The following STARD3 variants were observed in gnomAD, a reference collection of about 807,000 sequenced individuals.
STARD3 encodes the protein StAR related lipid transfer domain containing 3.
STARD3 carries 39 observed loss-of-function variants against 62.0 expected under a neutral mutation model. That is an observed-to-expected ratio of 0.63 (90% CI 0.49 to 0.82). STARD3 has a LOEUF of 0.82. STARD3 is among the 40% of genes least tolerant of loss of function. The probability of loss-of-function intolerance (pLI) is 0.00; values close to 1 mark genes in which losing one functional copy is unlikely to be tolerated. For synonymous variants in STARD3, 229 were observed against 242.4 expected (o/e 0.94, Z 0.51); for missense variants, 543 against 584.5 (o/e 0.93, Z 0.73).
chr17:39,653,299 A>G (rs1463339813), intron 1 of STARD3, 182 bp from the exon 2 acceptor site: 1 of 592,676 alleles, frequency 1.7e-6, no homozygotes, highest in East Asian at 2.8e-5. Context: ...TAATTAGCGG[A>G]ATGCTCAACC....
At position 39,663,182 on chromosome 17, in the gene STARD3, T is replaced by G; in HGVS notation, c.*274T>G. Reference sequence around the variant, plus strand: ...GAGGACCAGATTGCTCTGCCCCACCTTGCCAGGGCAGGGTCTGGGCTGGGC... The same window carrying G: ...GAGGACCAGATTGCTCTGCCCCACCGTGCCAGGGCAGGGTCTGGGCTGGGC... On this transcript the variant is annotated 3_prime_UTR_variant, in exon 15 of 15. Coordinates refer to ENST00000336308, the MANE Select transcript of STARD3 (RefSeq NM_006804.4). 2.3e-6 allele frequency: 1 copy of G among 440,250 alleles called. No homozygotes were observed. Among genetic ancestry groups the G allele is most frequent in the Non-Finnish European group, 4.0e-6 (1 of 250,694 alleles). The allele number at this position is 440,250 out of a possible 1,614,324, so 27.3% of individuals were successfully genotyped here.
chr17:39,654,133 C>T (rs570298413), intron 2 of STARD3, among the ~76,000 whole-genome samples: 1 of 152,092 alleles, frequency 6.6e-6, no homozygotes, highest in South Asian at 2.1e-4. Context: ...CCACTGCCCT[C>T]TGGCTCCAGT....
At chr17:39,643,471 GGT>G in intron 1 of STARD3, among the ~76,000 whole-genome samples, 1 of 152,238 alleles carries the variant, frequency 6.6e-6, no homozygotes, top group East Asian at 1.9e-4. Flanking sequence ...TTAAGGAGAT[GGT>G]GTCTGCATGG....
Position 39,659,117 on chromosome 17 carries a change from G to A in STARD3, c.702+11G>A, listed in dbSNP as rs1310814589. On this transcript the variant is annotated intron_variant, in intron 8 of 14. Coordinates refer to ENST00000336308, the MANE Select transcript of STARD3 (RefSeq NM_006804.4). ...AGTTTCTCTGCTCAGGTATTTGCCT[G>A]CCTACCCCTAACCCCTGCCCTTGGA... is the stretch of plus-strand genomic sequence containing the variant. 7 of 1,614,206 alleles carry A rather than the reference G, an allele frequency of 4.3e-6. No homozygotes were observed. The African/African-American group carries it at 6.7e-5, about 15-fold the overall frequency.
intron 14 of STARD3, 169 bp downstream of exon 14, chr17:39,662,513 C>T (rs1444186536): frequency 1.7e-5 from 12 of 696,682 alleles, no homozygotes; most frequent in African/African-American, 7.2e-5. Context: ...TCTCTTAGCC[C>T]TGGGTTGCTG....
rs1382226655 is a variant in STARD3 at position 39,663,421 on chromosome 17, A to C, written c.*513A>C. Reference sequence around the variant, plus strand: ...TCTCCCAGGCTGTCCCCCTCCTCCCAGGGCCTCCTGGGGGACCTTTGTATT... The same window carrying C: ...TCTCCCAGGCTGTCCCCCTCCTCCCCGGGCCTCCTGGGGGACCTTTGTATT... On this transcript the variant is annotated 3_prime_UTR_variant, in exon 15 of 15. Transcript: ENST00000336308. 1 of 238,588 alleles carries C rather than the reference A, an allele frequency of 4.2e-6. No homozygotes were observed. The highest frequency in any genetic ancestry group is 8.0e-6 in the Non-Finnish European group (1 of 124,834). The allele number at this position is 238,588 out of a possible 1,614,324, so 14.8% of individuals were successfully genotyped here. A position where few individuals can be genotyped will look rare whatever the true frequency, so the allele number is the denominator to read the frequency against.
intron 7 of STARD3, 55 bp downstream of exon 7, chr17:39,658,875 G>T: frequency 6.3e-7 from 1 of 1,594,554 alleles, no homozygotes; most frequent in East Asian, 2.2e-5. Context: ...GTGAGGAATG[G>T]GGTAGGCTGG....
chr17:39,652,479 G>A (rs1484142791), intron 1 of STARD3: 1 of 152,284 alleles, frequency 6.6e-6, no homozygotes, highest in Non-Finnish European at 1.5e-5. Flanking sequence ...AGAAAGGAAG[G>A]CAGCTTACTA....
chr17:39,646,920 TG>T (rs1004038253), intron 1 of STARD3, among the ~76,000 whole-genome samples: 2 of 151,896 alleles, frequency 1.3e-5, no homozygotes, highest in African/African-American at 4.8e-5. Context: ...CCTCCACTTT[TG>T]CCCGGCGTGG....
Position 39,663,643 on chromosome 17 carries a change from C to G in STARD3, c.*735C>G, listed in dbSNP as rs2057227362. 6.9e-6 allele frequency among the ~76,000 whole-genome samples: 1 copy of G among 144,750 alleles called. No homozygotes were observed. Among genetic ancestry groups the G allele is most frequent in the African/African-American group, 2.5e-5 (1 of 39,448 alleles). The allele number at this position is 144,750 out of a possible 152,430, so 95.0% of individuals were successfully genotyped here. A position where few individuals can be genotyped will look rare whatever the true frequency, so the allele number is the denominator to read the frequency against. On this transcript the variant is annotated 3_prime_UTR_variant, in exon 15 of 15. Coordinates refer to ENST00000336308, the MANE Select transcript of STARD3 (RefSeq NM_006804.4). ...AACATGCCCCCCATTCCCCCCCCGC[C>G]CACCCCCCACTCCCCGCTTTCCTGA...
intron 13 of STARD3, 79 bp from the exon 14 acceptor site, chr17:39,662,170 AGT>A: frequency 1.6e-6 from 2 of 1,259,140 alleles, no homozygotes; most frequent in Non-Finnish European, 2.3e-6. Flanking sequence ...CCAAGAATGG[AGT>A]GTGAGTGGTA....
At chr17:39,647,106 G>A (rs576310946) in intron 1 of STARD3, among the ~76,000 whole-genome samples, 9 of 152,174 alleles carry the variant, frequency 5.9e-5, no homozygotes, top group Admixed American at 1.3e-4. Context: ...GGCTGAGGCA[G>A]GAGAATCGCT....
In STARD3 at chr17:39,660,648, G is replaced by T; in HGVS notation, c.954+122G>T. The T allele has an allele frequency of 7.3e-7, 1 of 1,371,144 alleles. No individual in the cohort carries two copies. The highest frequency in any genetic ancestry group is 1.0e-6 in the Non-Finnish European group (1 of 974,478). 84.9% of individuals were successfully genotyped at this position (1,371,144 alleles called of 1,614,324 possible). A position where few individuals can be genotyped will look rare whatever the true frequency, so the allele number is the denominator to read the frequency against. On this transcript the variant is annotated intron_variant, in intron 11 of 14. Transcript: ENST00000336308. The surrounding 1 kb of genome is among the most constrained non-coding windows in gnomAD (Gnocchi z 4.8). ...GTACAGTGGGTGTGATGGTAACAGT[G>T]CCTGCTCGGGAGGGTCGGGAGGAGG... is the stretch of plus-strand genomic sequence containing the variant.
At chr17:39,642,146 G>T (rs1362818802) in intron 1 of STARD3, among the ~76,000 whole-genome samples, 1 of 152,266 alleles carries the variant, frequency 6.6e-6, no homozygotes, top group Non-Finnish European at 1.5e-5. Context: ...CCTGGGAGCA[G>T]CCAATGATCA....
chr17:39,650,768 C>T (rs139863769), intron 1 of STARD3, among the ~76,000 whole-genome samples: 2,291 of 152,296 alleles, frequency 0.015, 66 homozygotes, highest in African/African-American at 0.052. Flanking sequence ...GAGCCATGAT[C>T]GTGCCACTGC....
In STARD3 at chr17:39,662,318, G is replaced by T; in HGVS notation, c.1207G>T (p.Val403Phe). 2 of 1,614,048 alleles carry T rather than the reference G, an allele frequency of 1.2e-6. No individual in the cohort carries two copies. The highest frequency in any genetic ancestry group is 1.7e-6 in the Non-Finnish European group (2 of 1,179,990). ...SASNPRVCTF[V>F]WILNTDLKGR... The stretch of plus-strand genomic sequence containing the variant: ...CAGTAACCCCCGTGTTTGCACCTTT[G>T]TCTGGATTCTTAATACAGATCTCAA... Residue 403 changes from valine to phenylalanine, a missense_variant, in exon 14 of 15, where the codon GTC becomes TTC. Coordinates refer to ENST00000336308, the MANE Select transcript of STARD3 (RefSeq NM_006804.4).
At chr17:39,653,165 G>A (rs764624250) in intron 1 of STARD3, 6 of 336,478 alleles carry the variant, frequency 1.8e-5, no homozygotes, top group Admixed American at 4.4e-5. Flanking sequence ...CCTGGTAGGA[G>A]CAGGCTACAG....
chr17:39,655,040 T>C (rs1054605249), intron 2 of STARD3, among the ~76,000 whole-genome samples: 13 of 152,358 alleles, frequency 8.5e-5, no homozygotes, highest in Admixed American at 6.5e-4. Context: ...GCTCAGGACC[T>C]TCTGCAGAGC....
intron 14 of STARD3, chr17:39,662,594 G>C: frequency 3.2e-6 from 2 of 632,760 alleles, no homozygotes; most frequent in South Asian, 3.9e-5. Context: ...TGGCCAGCCC[G>C]GCCCCACCCT....
Sources: gnomAD v4.1 joint callset for allele counts (sites outside exome capture counted in the v4.1 genomes callset) on GRCh38, gnomAD v4.1.1 for gene constraint, Gnocchi (gnomAD v3.1) non-coding constraint, MANE v1.5 for transcripts, NCBI Gene and HGNC (gene_info 2026-07-23, HGNC 2026-07-21) for gene names.